The following RALGAPA1 variants were observed in gnomAD, a reference collection of about 807,000 sequenced individuals.
RALGAPA1 encodes the protein ral GTPase-activating protein subunit alpha-1.
RALGAPA1 carries 52 observed loss-of-function variants against 269.6 expected under a neutral mutation model. That is an observed-to-expected ratio of 0.19 (90% CI 0.15 to 0.24). The LOEUF is 0.24. Among genes scored for constraint, RALGAPA1 ranks in the 10% least tolerant of loss-of-function variants. The pLI is 1.00. For missense variants in RALGAPA1, 1,917 were observed against 3,013.9 expected (o/e 0.64, Z 8.52); for synonymous variants, 817 against 1,008.3 (o/e 0.81, Z 3.60).
At chr14:35,765,036 A>G (rs1310870284) in intron 4 of RALGAPA1, among the ~76,000 whole-genome samples, 1 of 152,168 alleles carries the variant, frequency 6.6e-6, no homozygotes, top group Non-Finnish European at 1.5e-5. Flanking sequence ...GTGGAACAGA[A>G]TTTGTTTTTT....
chr14:35,595,930 T>A, intron 36 of RALGAPA1, 141 bp from the exon 37 acceptor site: 1 of 646,474 alleles, frequency 1.5e-6, no homozygotes, highest in Non-Finnish European at 2.6e-6. Flanking sequence ...TCTAGAATTG[T>A]TAGAATTGAT....
intron 7 of RALGAPA1, 69 bp downstream of exon 7, chr14:35,756,724 A>T: frequency 9.1e-7 from 1 of 1,097,968 alleles, no homozygotes; most frequent in Non-Finnish European, 1.3e-6. Context: ...GAATAATGGT[A>T]AGAGACAGAA....
intron 18 of RALGAPA1, among the ~76,000 whole-genome samples, chr14:35,687,571 C>T (rs1350237892): frequency 6.6e-6 from 1 of 152,134 alleles, no homozygotes; most frequent in Non-Finnish European, 1.5e-5. Context: ...GTTAATCATG[C>T]TAACAAAACC....
At chr14:35,672,600 T>C (rs1224745590) in intron 25 of RALGAPA1, among the ~76,000 whole-genome samples, 1 of 152,116 alleles carries the variant, frequency 6.6e-6, no homozygotes, top group East Asian at 1.9e-4. Context: ...AAGGATGGTT[T>C]AATTGCTTCA....
At chr14:35,718,729 T>C (rs1337991978) in intron 16 of RALGAPA1, among the ~76,000 whole-genome samples, 2 of 152,042 alleles carry the variant, frequency 1.3e-5, no homozygotes, top group East Asian at 1.9e-4. Context: ...GGCAGGAGAA[T>C]TGCCTGAACC....
intron 37 of RALGAPA1, among the ~76,000 whole-genome samples, chr14:35,576,166 T>C (rs190313024): frequency 3.3e-5 from 5 of 152,348 alleles, no homozygotes; most frequent in African/African-American, 1.2e-4. Context: ...ATTAAACTTG[T>C]GTATGGAATA....
intron 7 of RALGAPA1, among the ~76,000 whole-genome samples, chr14:35,755,034 G>A (rs2073048853): frequency 6.6e-6 from 1 of 152,124 alleles, no homozygotes; most frequent in African/African-American, 2.4e-5. Context: ...ATGGTGGTGT[G>A]AGAATTCAAG....
At chr14:35,767,693 A>G (rs1441417304) in intron 4 of RALGAPA1, among the ~76,000 whole-genome samples, 1 of 152,192 alleles carries the variant, frequency 6.6e-6, no homozygotes, top group Non-Finnish European at 1.5e-5. Context: ...ATCTCAAAAA[A>G]ACAAACAAAT....
At chr14:35,681,560 C>G (rs1336156931) in intron 21 of RALGAPA1, among the ~76,000 whole-genome samples, 2 of 152,056 alleles carry the variant, frequency 1.3e-5, no homozygotes, top group Non-Finnish European at 2.9e-5. Context: ...ATATCTTTTT[C>G]TTCTGTATAT....
chr14:35,756,420 T>C (rs1316635747), intron 7 of RALGAPA1: 1 of 154,040 alleles, frequency 6.5e-6, no homozygotes, highest in Non-Finnish European at 1.4e-5. Flanking sequence ...GTACTTTCTG[T>C]CTTTTTTATT....
At chr14:35,618,857 C>T (rs1566837712) in intron 35 of RALGAPA1, among the ~76,000 whole-genome samples, 1 of 151,982 alleles carries the variant, frequency 6.6e-6, no homozygotes, top group Non-Finnish European at 1.5e-5. Context: ...AATATACAAA[C>T]AAGAAATGTC....
chr14:35,750,085 G>C (rs1474937500), intron 9 of RALGAPA1, among the ~76,000 whole-genome samples: 1 of 152,072 alleles, frequency 6.6e-6, no homozygotes, highest in Non-Finnish European at 1.5e-5. Context: ...GTTGAAAAAG[G>C]GGGGAAGGGG....
rs112698882 is a variant in RALGAPA1 at position 35,728,245 on chromosome 14, T to C, written c.1736+117A>G. 7.4e-5 allele frequency: 67 copies of C among 909,216 alleles called. No homozygotes were observed. The African/African-American group carries it at 8.6e-4, about 12-fold the overall frequency. The allele number at this position is 909,216 out of a possible 1,614,324, so 56.3% of individuals were successfully genotyped here. ...GATTAATTTTATATTTATTCAATAA[T>C]AGGAGCCTCTATAATACTGTAAACA... On this transcript the variant is annotated intron_variant, in intron 13 of 41. Coordinates refer to ENST00000680220, the MANE Select transcript of RALGAPA1 (RefSeq NM_001346249.2).
At chr14:35,710,123 A>G (rs577338871) in intron 16 of RALGAPA1, among the ~76,000 whole-genome samples, 3 of 152,334 alleles carry the variant, frequency 2.0e-5, no homozygotes, top group Admixed American at 6.5e-5. Flanking sequence ...ACTGATAGAA[A>G]GATGTTAAAT....
At chr14:35,777,171 T>A (rs10137086) in intron 1 of RALGAPA1, among the ~76,000 whole-genome samples, 16,947 of 152,132 alleles carry the variant, frequency 0.11, 1,558 homozygotes, top group East Asian at 0.37. Flanking sequence ...TAACAAAATA[T>A]ATTTAAGATA....
At chr14:35,649,003 T>C (rs1412869645) in intron 31 of RALGAPA1, among the ~76,000 whole-genome samples, 1 of 152,242 alleles carries the variant, frequency 6.6e-6, no homozygotes, top group Non-Finnish European at 1.5e-5. Context: ...CATCTTACTC[T>C]ACTATATCGC....
At chr14:35,587,793 A>G (rs1420195941) in intron 37 of RALGAPA1, among the ~76,000 whole-genome samples, 1 of 152,186 alleles carries the variant, frequency 6.6e-6, no homozygotes, top group Non-Finnish European at 1.5e-5. Context: ...GGTGCAGCAC[A>G]CCAACATGGC....
At chr14:35,765,959 CT>C (rs1211197055) in intron 4 of RALGAPA1, 1 of 1,380,410 alleles carries the variant, frequency 7.2e-7, no homozygotes, top group Non-Finnish European at 1.0e-6. Context: ...TTAAAAACCC[CT>C]GGAGTTATTC....
chr14:35,546,189 A>C (rs1417477682), intron 41 of RALGAPA1, among the ~76,000 whole-genome samples: 1 of 152,108 alleles, frequency 6.6e-6, no homozygotes, highest in Non-Finnish European at 1.5e-5. Context: ...TGGATCAACT[A>C]TGATGCACCA....
Sources: allele counts gnomAD v4.1 joint callset (sites outside exome capture counted in the v4.1 genomes callset), GRCh38; gene constraint gnomAD v4.1.1; transcripts MANE v1.5; gene names NCBI Gene and HGNC (gene_info 2026-07-23, HGNC 2026-07-21).